Variants in ARHGAP20 observed in about 807,000 individuals in gnomAD.
The protein encoded by ARHGAP20 is Rho GTPase activating protein 20.
ARHGAP20 carries 34 observed loss-of-function variants against 73.7 expected under a neutral mutation model. The observed-to-expected ratio is 0.46, with a 90% CI of 0.35 to 0.61. ARHGAP20 has a LOEUF of 0.61. Ranked by LOEUF, ARHGAP20 falls within the 20% of genes least tolerant of loss-of-function variation. The pLI, the probability that ARHGAP20 is intolerant of heterozygous loss-of-function variation, is 0.00. For missense variants in ARHGAP20, 1,314 were observed against 1,420.9 expected (o/e 0.92, Z 1.21); for synonymous variants, 523 against 518.2 (o/e 1.01, Z -0.13).
intron 2 of ARHGAP20, among the ~76,000 whole-genome samples, chr11:110,646,570 AC>A (rs1243985829): frequency 6.6e-6 from 1 of 151,960 alleles, no homozygotes; most frequent in African/African-American, 2.4e-5. Flanking sequence ...AATAAAAAAA[AC>A]ATTTTTTAGT....
chr11:110,600,120 C>A (rs1460255001), intron 9 of ARHGAP20, among the ~76,000 whole-genome samples: 1 of 152,254 alleles, frequency 6.6e-6, no homozygotes. Context: ...TTCCTGGTCA[C>A]AGGATGAGAA....
chr11:110,619,450 T>G (rs931345904), intron 4 of ARHGAP20, among the ~76,000 whole-genome samples: 1 of 151,716 alleles, frequency 6.6e-6, no homozygotes, highest in Non-Finnish European at 1.5e-5. Context: ...ATAGAGTATA[T>G]GTAGTGATAG....
chr11:110,705,079 C>G (rs1401294428), intron 1 of ARHGAP20, among the ~76,000 whole-genome samples: 1 of 152,074 alleles, frequency 6.6e-6, no homozygotes, highest in Non-Finnish European at 1.5e-5. Context: ...TTTTCAGCTA[C>G]AGACACCTTC....
intron 7 of ARHGAP20, among the ~76,000 whole-genome samples, chr11:110,609,664 A>G (rs1948319828): frequency 6.6e-6 from 1 of 152,188 alleles, no homozygotes; most frequent in Non-Finnish European, 1.5e-5. Context: ...CTTGAAAGAA[A>G]TACTAAATTA....
chr11:110,706,474 A>G (rs969348846), intron 1 of ARHGAP20, among the ~76,000 whole-genome samples: 2 of 152,116 alleles, frequency 1.3e-5, no homozygotes, highest in African/African-American at 2.4e-5. Flanking sequence ...GTTCCTCCTC[A>G]TGATATTTGA....
intron 1 of ARHGAP20, among the ~76,000 whole-genome samples, chr11:110,692,227 A>G (rs1276402205): frequency 6.6e-6 from 1 of 152,160 alleles, no homozygotes; most frequent in Non-Finnish European, 1.5e-5. Context: ...CTGGGAGATA[A>G]GCATTTGTAT....
At chr11:110,616,053 A>G (rs894931346) in intron 4 of ARHGAP20, among the ~76,000 whole-genome samples, 3 of 152,186 alleles carry the variant, frequency 2.0e-5, no homozygotes, top group African/African-American at 7.2e-5. Flanking sequence ...ATACAAATAG[A>G]AAGTATGCTT....
intron 10 of ARHGAP20, 146 bp from the exon 11 acceptor site, chr11:110,590,955 T>A: frequency 1.2e-6 from 1 of 849,272 alleles, no homozygotes; most frequent in Non-Finnish European, 1.7e-6. Flanking sequence ...CCGGAAAAAT[T>A]AAAGTCACCT....
chr11:110,628,564 T>C (rs552956692), intron 3 of ARHGAP20, among the ~76,000 whole-genome samples: 1 of 152,280 alleles, frequency 6.6e-6, no homozygotes, highest in Non-Finnish European at 1.5e-5. Flanking sequence ...CTATGTTCTA[T>C]CTCAGGGGTT....
chr11:110,593,321 G>T (rs1036937088), intron 9 of ARHGAP20, among the ~76,000 whole-genome samples: 1 of 152,116 alleles, frequency 6.6e-6, no homozygotes, highest in Admixed American at 6.6e-5. Context: ...AGTTTAACAG[G>T]TTTGCTTATG....
At position 110,712,348 on chromosome 11, in the gene ARHGAP20, G is replaced by A; in HGVS notation, c.-117C>T. 1.2e-6 allele frequency: 1 copy of A among 837,376 alleles called. No homozygotes were observed. The highest frequency in any genetic ancestry group is 1.6e-6 in the Non-Finnish European group (1 of 620,288). The allele number at this position is 837,376 out of a possible 1,614,324, so 51.9% of individuals were successfully genotyped here. A position where few individuals can be genotyped will look rare whatever the true frequency, so the allele number is the denominator to read the frequency against. On this transcript the variant is annotated 5_prime_UTR_variant, in exon 1 of 15. Coordinates refer to ENST00000683387, the MANE Select transcript of ARHGAP20 (RefSeq NM_001384657.1). ...GAGGCGCGGCTGCCGTGCTCAGGCA[G>A]GGAGCCGAGCTCCGGGTGCTCGCCG...
chr11:110,705,148 C>T (rs891948552), intron 1 of ARHGAP20, among the ~76,000 whole-genome samples: 1 of 152,038 alleles, frequency 6.6e-6, no homozygotes, highest in Non-Finnish European at 1.5e-5. Context: ...TCCCATAAAG[C>T]ATAACATGCC....
At chr11:110,602,913 A>G (rs1037631117) in intron 9 of ARHGAP20, among the ~76,000 whole-genome samples, 2 of 152,236 alleles carry the variant, frequency 1.3e-5, no homozygotes, top group Non-Finnish European at 2.9e-5. Flanking sequence ...TGAGAAAACA[A>G]TAATTCAGTA....
intron 2 of ARHGAP20, among the ~76,000 whole-genome samples, chr11:110,637,000 G>A (rs1240268867): frequency 6.6e-6 from 1 of 151,916 alleles, no homozygotes; most frequent in East Asian, 1.9e-4. Context: ...GCAGAGTCTA[G>A]GAATTCACCT....
chr11:110,704,701 G>A (rs1382711739), intron 1 of ARHGAP20, among the ~76,000 whole-genome samples: 1 of 152,118 alleles, frequency 6.6e-6, no homozygotes, highest in Non-Finnish European at 1.5e-5. Context: ...AACTCTATCC[G>A]AGTTTGTTTC....
chr11:110,650,635 T>G (rs1949329245), intron 2 of ARHGAP20, among the ~76,000 whole-genome samples: 1 of 152,158 alleles, frequency 6.6e-6, no homozygotes, highest in South Asian at 2.1e-4. Context: ...CTAGTGCTTC[T>G]AAATAAAAAT....
At position 110,615,595 on chromosome 11, in the gene ARHGAP20, C is replaced by T; in HGVS notation, c.504-1G>A. 6.2e-7 allele frequency: 1 copy of T among 1,611,658 alleles called. No homozygotes were observed. The highest frequency in any genetic ancestry group is 8.5e-7 in the Non-Finnish European group (1 of 1,179,004). On this transcript the variant is annotated splice_acceptor_variant, in intron 4 of 14. Transcript: ENST00000683387. LOFTEE classifies it high-confidence loss of function. ...CCATTTGTCCTTTTGTTCTGGAGAACTGCAATCAAAGAAAATGGGAGAGAA... is the reference window on the plus strand; with the variant it reads ...CCATTTGTCCTTTTGTTCTGGAGAATTGCAATCAAAGAAAATGGGAGAGAA...
At chr11:110,698,719 T>C (rs1293619898) in intron 1 of ARHGAP20, among the ~76,000 whole-genome samples, 3 of 151,974 alleles carry the variant, frequency 2.0e-5, no homozygotes, top group Admixed American at 6.6e-5. Flanking sequence ...GTGTTCACAG[T>C]AGTCTGTGAT....
chr11:110,657,866 G>A (rs1949501125), intron 2 of ARHGAP20, among the ~76,000 whole-genome samples: 2 of 151,346 alleles, frequency 1.3e-5, no homozygotes, highest in South Asian at 4.2e-4. Context: ...CTGCACTCCA[G>A]CCTGGGTGAC....
Sources: gnomAD v4.1 joint callset for allele counts (sites outside exome capture counted in the v4.1 genomes callset) on GRCh38, gnomAD v4.1.1 for gene constraint, MANE v1.5 for transcripts, NCBI Gene and HGNC (gene_info 2026-07-23, HGNC 2026-07-21) for gene names.